SYTL3: variants seen among roughly 807,000 people sequenced by gnomAD.
The protein encoded by SYTL3 is synaptotagmin like 3.
SYTL3 carries 88 observed loss-of-function variants against 82.1 expected under a neutral mutation model. The observed-to-expected ratio is 1.07, with a 90% CI of 0.90 to 1.28. SYTL3 has a LOEUF of 1.28. Ranked by LOEUF, SYTL3 falls within the 50% of genes most tolerant of loss-of-function variation. The pLI is 0.00. For synonymous variants in SYTL3, 311 were observed against 289.4 expected, an observed-to-expected ratio of 1.07 and a Z score of -0.76; for missense variants, 831 against 757.6, an observed-to-expected ratio of 1.10 and a Z score of -1.14.
chr6:158,702,132 G>A (rs1188579365), intron 6 of SYTL3, among the ~76,000 whole-genome samples: 1 of 151,756 alleles, frequency 6.6e-6, no homozygotes, highest in East Asian at 1.9e-4. Flanking sequence ...GCAGGCACAT[G>A]CCACCATGCC....
chr6:158,724,802 G>A (rs1371633069), intron 10 of SYTL3, among the ~76,000 whole-genome samples: 1 of 152,210 alleles, frequency 6.6e-6, no homozygotes, highest in Non-Finnish European at 1.5e-5. Context: ...ATCACTTGAG[G>A]TCAGGAGTTT....
intron 6 of SYTL3, among the ~76,000 whole-genome samples, chr6:158,705,071 T>G (rs1583304272): frequency 2.4e-5 from 1 of 41,740 alleles, no homozygotes; most frequent in Non-Finnish European, 4.0e-5. Context: ...CGGGGCAGGG[T>G]GACAGTGAGG....
chr6:158,662,358 T>C (rs908896234), intron 3 of SYTL3, among the ~76,000 whole-genome samples: 4 of 152,242 alleles, frequency 2.6e-5, no homozygotes, highest in African/African-American at 9.6e-5. Flanking sequence ...TGTAAATAAT[T>C]GATAGGCTGA....
chr6:158,722,174 T>TG lies in SYTL3; in HGVS notation c.721-3329_721-3328insG, dbSNP rs1784191932. Reference sequence around the variant, plus strand: ...TTGTTTGTTTGTTTGTTTGTTTGTTTTTTTGAGACAGGGTCTTACTTTGTC... The same window carrying TG: ...TTGTTTGTTTGTTTGTTTGTTTGTTTGTTTTGAGACAGGGTCTTACTTTGTC... On this transcript the variant is annotated intron_variant, in intron 10 of 17. Transcript: ENST00000611299. 2.7e-5 allele frequency among the ~76,000 whole-genome samples: 4 copies of TG among 149,682 alleles called. No individual in the cohort carries two copies. The South Asian group carries it at 6.4e-4, about 24-fold the overall frequency.
chr6:158,657,788 G>T (rs1448808392), intron 2 of SYTL3, among the ~76,000 whole-genome samples: 1 of 151,762 alleles, frequency 6.6e-6, no homozygotes, highest in Non-Finnish European at 1.5e-5. Flanking sequence ...TGCCCTCCAT[G>T]ATGTCTTTCT....
chr6:158,764,673 C>T lies in SYTL3; in HGVS notation c.*69C>T. ...TGTGCGTCTGCAGAGGGGCTACGAA[C>T]CAGGTGCAGGGTCCCAGCTGGAGAC... On this transcript the variant is annotated 3_prime_UTR_variant, in exon 18 of 18. Coordinates refer to ENST00000611299, the MANE Select transcript of SYTL3 (RefSeq NM_001242394.2). The T allele has an allele frequency of 8.6e-7, 1 of 1,159,332 alleles. No homozygotes were observed. Among genetic ancestry groups the T allele is most frequent in the Admixed American group, 1.7e-5 (1 of 58,330 alleles). 71.8% of individuals were successfully genotyped at this position (1,159,332 alleles called of 1,614,324 possible). A position where few individuals can be genotyped will look rare whatever the true frequency, so the allele number is the denominator to read the frequency against.
intron 13 of SYTL3, among the ~76,000 whole-genome samples, chr6:158,755,018 A>G (rs970560893): frequency 6.6e-5 from 10 of 152,148 alleles, no homozygotes; most frequent in African/African-American, 1.9e-4. Flanking sequence ...CAGAGTTTAT[A>G]GACAGAGATT....
chr6:158,647,977 C>T (rs970230378), upstream of SYTL3, among the ~76,000 whole-genome samples: 7 of 152,166 alleles, frequency 4.6e-5, no homozygotes, highest in Non-Finnish European at 8.8e-5. Flanking sequence ...AATGAACTGT[C>T]ACATCAATAA....
intron 10 of SYTL3, among the ~76,000 whole-genome samples, chr6:158,724,636 T>C (rs910563513): frequency 6.6e-6 from 1 of 152,256 alleles, no homozygotes; most frequent in African/African-American, 2.4e-5. Context: ...ACTGAGAAGT[T>C]AAGTTTGTTT....
At position 158,745,620 on chromosome 6, in the gene SYTL3, C is replaced by T. The variant is rs536590063; in HGVS notation, c.996C>T (p.Asn332=). Residue 332 remains asparagine (N), a synonymous_variant, in exon 12 of 18, where the codon AAC becomes AAT. Transcript: ENST00000611299. Reference sequence around the variant, plus strand: ...AAATATGCATCAAGGCCTGTAAGAACCTTGCCTATGGAGAAGAAAAGAAGA... The same window carrying T: ...AAATATGCATCAAGGCCTGTAAGAATCTTGCCTATGGAGAAGAAAAGAAGA... ...SLEICIKACK[N]LAYGEEKKKK... is the part of the protein sequence containing the mutation. The T allele has an allele frequency of 5.0e-6, 8 of 1,610,504 alleles. No homozygotes were observed. The South Asian group carries it at 8.9e-5, about 18-fold the overall frequency.
chr6:158,657,960 T>C (rs1788898802), intron 2 of SYTL3, among the ~76,000 whole-genome samples: 2 of 151,942 alleles, frequency 1.3e-5, no homozygotes, highest in Admixed American at 6.6e-5. Flanking sequence ...TGGCACTATC[T>C]CAGCTCACTG....
chr6:158,647,809 C>T (rs1787578106), upstream of SYTL3, among the ~76,000 whole-genome samples: 1 of 152,232 alleles, frequency 6.6e-6, no homozygotes, highest in Non-Finnish European at 1.5e-5. Context: ...TGGAGTGAAT[C>T]TTAGGTTTGT....
chr6:158,683,345 G>T (rs1267697722), intron 6 of SYTL3, among the ~76,000 whole-genome samples: 1 of 150,480 alleles, frequency 6.6e-6, no homozygotes, highest in African/African-American at 2.5e-5. Flanking sequence ...CTCAGCCTCC[G>T]GAGTACCTGG....
chr6:158,718,657 C>T (rs1281156475), intron 10 of SYTL3, among the ~76,000 whole-genome samples: 1 of 152,254 alleles, frequency 6.6e-6, no homozygotes, highest in Admixed American at 6.5e-5. Flanking sequence ...GGGCGCTCTT[C>T]CCCCGCTGTC....
intron 11 of SYTL3, chr6:158,726,623 G>C (rs896464856): frequency 3.7e-5 from 9 of 245,120 alleles, no homozygotes; most frequent in Non-Finnish European, 6.9e-5. Context: ...GATGGGAAGT[G>C]ATCTAATATG....
chr6:158,739,576 CTCTCTCTG>C (rs1203247942), intron 11 of SYTL3, among the ~76,000 whole-genome samples: 6 of 152,146 alleles, frequency 3.9e-5, no homozygotes, highest in Admixed American at 2.6e-4. Context: ...CTCTATCTCT[CTCTCTCTG>C]TCTCTTTCTC....
intron 17 of SYTL3, among the ~76,000 whole-genome samples, chr6:158,763,727 GAAAC>G: frequency 1.3e-5 from 2 of 152,272 alleles, no homozygotes; most frequent in Middle Eastern, 6.8e-3. Flanking sequence ...ATCTGCTAAA[GAAAC>G]AAAAATTATA....
At chr6:158,742,538 C>T (rs1338288546) in intron 11 of SYTL3, among the ~76,000 whole-genome samples, 2 of 151,682 alleles carry the variant, frequency 1.3e-5, no homozygotes, top group Non-Finnish European at 2.9e-5. Context: ...CAGTTTTTTC[C>T]TCTCTAGTAA....
intron 12 of SYTL3, 102 bp from the exon 13 acceptor site, chr6:158,751,826 G>A (rs1788420902): frequency 1.2e-6 from 1 of 850,116 alleles, no homozygotes; most frequent in Non-Finnish European, 1.8e-6. Context: ...CAGGAAGCCT[G>A]GTAAAGAAAA....
Sources: allele counts gnomAD v4.1 joint callset (sites outside exome capture counted in the v4.1 genomes callset), GRCh38; gene constraint gnomAD v4.1.1; transcripts MANE v1.5; gene names NCBI Gene and HGNC (gene_info 2026-07-23, HGNC 2026-07-21).